The following LRRC40 variants were observed in gnomAD, a reference collection of about 807,000 sequenced individuals.
LRRC40 encodes the protein leucine-rich repeat-containing protein 40.
Under a neutral mutation model 72.8 loss-of-function variants are expected in LRRC40, and 76 were observed. That is an observed-to-expected ratio of 1.04 (90% CI 0.87 to 1.26). The LOEUF is 1.26. Among genes scored for constraint, LRRC40 ranks in the 50% most tolerant of loss-of-function variants. The pLI, the probability that LRRC40 is intolerant of heterozygous loss-of-function variation, is 0.00. For missense variants in LRRC40, 684 were observed against 698.9 expected (o/e 0.98, Z 0.24); for synonymous variants, 243 against 254.2 (o/e 0.96, Z 0.42).
intron 8 of LRRC40, 26 bp downstream of exon 8, chr1:70,173,596 A>G: frequency 1.3e-6 from 2 of 1,509,466 alleles, no homozygotes; most frequent in Non-Finnish European, 1.8e-6. Flanking sequence ...CAATTTAACA[A>G]AGAGCTGAAT....
chr1:70,185,331 C>G (rs1438994379), intron 3 of LRRC40, among the ~76,000 whole-genome samples: 1 of 152,170 alleles, frequency 6.6e-6, no homozygotes, highest in African/African-American at 2.4e-5. Context: ...TGTGAGGAAC[C>G]TGGTGGGAGA....
At chr1:70,190,103 T>C (rs1571487914) in intron 1 of LRRC40, among the ~76,000 whole-genome samples, 1 of 152,134 alleles carries the variant, frequency 6.6e-6, no homozygotes, top group African/African-American at 2.4e-5. Context: ...AATGCTGTAG[T>C]GTTGTAGCAA....
In LRRC40 at chr1:70,178,374, C is replaced by A. The variant is rs540613378; in HGVS notation, c.804+477G>T. Reference sequence around the variant, plus strand: ...CTGTTTAAAATAAACTCTTTTAACACTAGAGCTTAAAGGTATATATAAAAA... The same window carrying A: ...CTGTTTAAAATAAACTCTTTTAACAATAGAGCTTAAAGGTATATATAAAAA... On this transcript the variant is annotated intron_variant, in intron 6 of 14. Coordinates refer to ENST00000370952, the MANE Select transcript of LRRC40 (RefSeq NM_017768.5). Among the ~76,000 whole-genome samples, 332 of 152,218 alleles carry A rather than the reference C, an allele frequency of 2.2e-3. 2 individuals are homozygous for A. Among genetic ancestry groups the A allele is most frequent in the South Asian group, 6.0e-3 (29 of 4,826 alleles).
chr1:70,166,308 G>T (rs1447991769), intron 9 of LRRC40, among the ~76,000 whole-genome samples: 1 of 152,014 alleles, frequency 6.6e-6, no homozygotes, highest in Non-Finnish European at 1.5e-5. Flanking sequence ...AAGGAAGAGT[G>T]GTAAGATGTT....
At chr1:70,176,616 CT>C (rs1668112006) in intron 6 of LRRC40, among the ~76,000 whole-genome samples, 1 of 148,516 alleles carries the variant, frequency 6.7e-6, no homozygotes, top group Non-Finnish European at 1.5e-5. Flanking sequence ...CCAAAAACTA[CT>C]TGCAAAACAA....
intron 1 of LRRC40, among the ~76,000 whole-genome samples, chr1:70,199,682 G>A (rs927984358): frequency 2.0e-5 from 3 of 152,034 alleles, no homozygotes; most frequent in South Asian, 2.1e-4. Context: ...TTGTAAGAAC[G>A]TAGTATATAA....
intron 13 of LRRC40, among the ~76,000 whole-genome samples, chr1:70,150,518 T>C (rs1342565068): frequency 2.6e-5 from 4 of 152,232 alleles, no homozygotes; most frequent in Non-Finnish European, 5.9e-5. Flanking sequence ...TAGTTGCTCT[T>C]AATTATCTGC....
chr1:70,199,082 A>T (rs1287814825), intron 1 of LRRC40, among the ~76,000 whole-genome samples: 3 of 152,074 alleles, frequency 2.0e-5, no homozygotes, highest in Admixed American at 2.0e-4. Context: ...GAGATAAGGA[A>T]GTCAAGGCTG....
At chr1:70,162,991 T>C (rs1051955637) in intron 9 of LRRC40, among the ~76,000 whole-genome samples, 1 of 152,144 alleles carries the variant, frequency 6.6e-6, no homozygotes, top group African/African-American at 2.4e-5. Context: ...CTTACAGTTT[T>C]GTAGTTCACA....
intron 9 of LRRC40, among the ~76,000 whole-genome samples, chr1:70,165,666 G>T (rs1364920995): frequency 6.6e-6 from 1 of 151,506 alleles, no homozygotes; most frequent in Non-Finnish European, 1.5e-5. Context: ...GAGAAGAAAA[G>T]CTGAAGGAAA....
rs555344962 is a variant in LRRC40 at position 70,165,645 on chromosome 1, G to T, written c.1112-6207C>A. Among the ~76,000 whole-genome samples, 355 of 151,736 alleles carry T rather than the reference G, an allele frequency of 2.3e-3. 1 individual carries two copies. The highest frequency in any genetic ancestry group is 7.7e-3 in the African/African-American group (320 of 41,362). On this transcript the variant is annotated intron_variant, in intron 9 of 14. Coordinates refer to ENST00000370952, the MANE Select transcript of LRRC40 (RefSeq NM_017768.5). ...TACCTCTAAAACTGAGAAAAGAGTA[G>T]TTAAAAAGCAGAGAAGAAAAGCTGA...
intron 7 of LRRC40, 140 bp from the exon 8 acceptor site, chr1:70,173,849 ATTTCC>A (rs769927434): frequency 2.3e-6 from 1 of 443,038 alleles, no homozygotes; most frequent in Non-Finnish European, 4.1e-6. Context: ...GACCTAAAAC[ATTTCC>A]TTTCAAGATA....
chr1:70,185,665 G>C (rs560148664), intron 3 of LRRC40, among the ~76,000 whole-genome samples: 1 of 152,248 alleles, frequency 6.6e-6, no homozygotes, highest in South Asian at 2.1e-4. Context: ...CCACAATGGA[G>C]TTACATCTTA....
intron 2 of LRRC40, 118 bp downstream of exon 2, chr1:70,188,974 A>T (rs1668429041): frequency 1.3e-5 from 10 of 785,986 alleles, no homozygotes; most frequent in Non-Finnish European, 1.6e-5. Flanking sequence ...TAGAATGATA[A>T]TTTACTATCT....
rs369924232 is a variant in LRRC40, at chr1:70,199,966, C to T, written c.151+5424G>A. On this transcript the variant is annotated intron_variant, in intron 1 of 14. Transcript: ENST00000370952. ...AAATAAGTTTAGGTAGAGTAAACCT[C>T]TTTATCACTGTACTGGACTGGGTTA... Among the ~76,000 whole-genome samples, 260 of 152,230 alleles carry T rather than the reference C, an allele frequency of 1.7e-3. 2 individuals are homozygous for T. Among genetic ancestry groups the T allele is most frequent in the African/African-American group, 5.8e-3 (240 of 41,546 alleles).
chr1:70,176,838 T>C (rs1668117233), intron 6 of LRRC40, among the ~76,000 whole-genome samples: 1 of 152,120 alleles, frequency 6.6e-6, no homozygotes, highest in Non-Finnish European at 1.5e-5. Context: ...ACATATGTCA[T>C]GAATGCATTT....
At chr1:70,182,916 T>C (rs918357301) in intron 4 of LRRC40, among the ~76,000 whole-genome samples, 2 of 152,160 alleles carry the variant, frequency 1.3e-5, no homozygotes, top group African/African-American at 2.4e-5. Context: ...TGTGGGTGGA[T>C]AGTAGAAATT....
At chr1:70,166,280 T>C (rs1667878055) in intron 9 of LRRC40, among the ~76,000 whole-genome samples, 1 of 152,172 alleles carries the variant, frequency 6.6e-6, no homozygotes, top group Non-Finnish European at 1.5e-5. Flanking sequence ...TTAAATGTGA[T>C]TGAACAACCA....
Position 70,144,887 on chromosome 1 carries a change from C to T in LRRC40, c.*913G>A, listed in dbSNP as rs1446814358. 1.3e-5 allele frequency: 2 copies of T among 151,914 alleles called. No homozygotes were observed. The highest frequency in any genetic ancestry group is 6.6e-5 in the Admixed American group (1 of 15,248). The allele number at this position is 151,914 out of a possible 1,614,324, so 9.4% of individuals were successfully genotyped here. On this transcript the variant is annotated 3_prime_UTR_variant, in exon 15 of 15. Coordinates refer to ENST00000370952, the MANE Select transcript of LRRC40 (RefSeq NM_017768.5). ...AATTTTTTTCATAATATAAGCATGC[C>T]TCAATCATCCAAAAGCTATCTACCT...
Sources: allele counts gnomAD v4.1 joint callset (sites outside exome capture counted in the v4.1 genomes callset), GRCh38; gene constraint gnomAD v4.1.1; transcripts MANE v1.5; gene names NCBI Gene and HGNC (gene_info 2026-07-23, HGNC 2026-07-21).